The following PTPRD variants were observed in gnomAD, a reference collection of about 807,000 sequenced individuals.
PTPRD encodes the protein protein tyrosine phosphatase receptor type D, also known as receptor-type tyrosine-protein phosphatase delta.
A neutral mutation model predicts 214.5 loss-of-function variants in PTPRD; 34 were observed. The ratio of observed to expected loss-of-function variants is 0.16; its 90% CI spans 0.12 to 0.21. PTPRD has a LOEUF of 0.21. PTPRD is among the 10% of genes least tolerant of loss of function. The pLI, the probability that PTPRD is intolerant of heterozygous loss-of-function variation, is 1.00. For synonymous variants in PTPRD, 1,128 were observed against 845.7 expected, an observed-to-expected ratio of 1.33 and a Z score of -5.79; for missense variants, 2,545 against 2,398.7, an observed-to-expected ratio of 1.06 and a Z score of -1.27.
intron 4 of PTPRD, among the ~76,000 whole-genome samples, chr9:10,008,847 A>C (rs944336556): frequency 2.3e-4 from 35 of 152,014 alleles, no homozygotes; most frequent in African/African-American, 8.0e-4. Flanking sequence ...AAAATAAAGA[A>C]CCACACTTGC....
At chr9:9,671,021 G>C (rs1484253320) in intron 7 of PTPRD, among the ~76,000 whole-genome samples, 1 of 152,114 alleles carries the variant, frequency 6.6e-6, no homozygotes, top group Non-Finnish European at 1.5e-5. Context: ...CCATACTCCA[G>C]ATCCACCAAC....
rs748141668 is a variant in PTPRD, at chr9:8,601,496, T to C, written c.352+31821A>G. On this transcript the variant is annotated intron_variant, in intron 14 of 45. Transcript: ENST00000381196. Reference sequence around the variant, plus strand: ...AGTCCCAGTGGTGATGGCCACAGGGTTTTTTCTATGACCTCACCCTTGGCT... The same window carrying C: ...AGTCCCAGTGGTGATGGCCACAGGGCTTTTTCTATGACCTCACCCTTGGCT... Among the ~76,000 whole-genome samples the C allele has an allele frequency of 1.1e-4, 16 of 151,834 alleles. 1 individual carries two copies. Among genetic ancestry groups the C allele is most frequent in the Non-Finnish European group, 1.8e-4 (12 of 67,946 alleles).
rs1015634798 is a variant in PTPRD at position 9,854,099 on chromosome 9, C to A, written c.-368+84408G>T. On this transcript the variant is annotated intron_variant, in intron 5 of 45. Coordinates refer to ENST00000381196, the MANE Select transcript of PTPRD (RefSeq NM_002839.4). ...CAACAGAACATCACCACTTACTCCT[C>A]CTATCTAATTGTAGTCTTGTAACCA... Among the ~76,000 whole-genome samples the A allele has an allele frequency of 9.2e-5, 14 of 152,264 alleles. 1 individual carries two copies. The South Asian group carries it at 2.5e-3, about 27-fold the overall frequency.
At chr9:9,635,145 C>A (rs1239779185) in intron 7 of PTPRD, among the ~76,000 whole-genome samples, 1 of 152,162 alleles carries the variant, frequency 6.6e-6, no homozygotes, top group African/African-American at 2.4e-5. Context: ...GCCACACAAA[C>A]TGGAATAAGC....
intron 14 of PTPRD, among the ~76,000 whole-genome samples, chr9:8,619,336 T>A (rs1481899378): frequency 6.6e-6 from 1 of 151,720 alleles, no homozygotes; most frequent in Non-Finnish European, 1.5e-5. Flanking sequence ...TTGACCACCA[T>A]CTCCCCAACC....
chr9:10,273,943 C>A lies in PTPRD; in HGVS notation c.-545+67020G>T, dbSNP rs146920693. On this transcript the variant is annotated intron_variant, in intron 3 of 45. Coordinates refer to ENST00000381196, the MANE Select transcript of PTPRD (RefSeq NM_002839.4). ...AAAGTTTTTAGCTAACTCAGTGTAA[C>A]AATAGCTATGTAATGTAGTTTTTAA... Among the ~76,000 whole-genome samples the A allele has an allele frequency of 1.8e-4, 28 of 151,468 alleles. No homozygotes were observed. The East Asian group carries it at 5.5e-3, about 30-fold the overall frequency.
At chr9:9,291,188 G>T (rs1350707392) in intron 9 of PTPRD, among the ~76,000 whole-genome samples, 1 of 151,378 alleles carries the variant, frequency 6.6e-6, no homozygotes, top group Non-Finnish European at 1.5e-5. Context: ...ATAATCACTT[G>T]CCATAACAGG....
intron 7 of PTPRD, among the ~76,000 whole-genome samples, chr9:9,659,941 G>C (rs914734395): frequency 6.6e-6 from 1 of 151,998 alleles, no homozygotes; most frequent in African/African-American, 2.4e-5. Context: ...AATATACAGT[G>C]CTCATGATTA....
intron 44 of PTPRD, among the ~76,000 whole-genome samples, chr9:8,323,535 G>C (rs1350344181): frequency 6.6e-6 from 1 of 152,178 alleles, no homozygotes; most frequent in Non-Finnish European, 1.5e-5. Flanking sequence ...GGAAGAAGTT[G>C]ATTCCAATCT....
intron 11 of PTPRD, among the ~76,000 whole-genome samples, chr9:8,784,651 G>C (rs2095865868): frequency 6.7e-6 from 1 of 149,122 alleles, no homozygotes; most frequent in Non-Finnish European, 1.5e-5. Flanking sequence ...CTTATCTCAT[G>C]TTTTTAAAGC....
At chr9:9,651,287 AC>A (rs1382973882) in intron 7 of PTPRD, among the ~76,000 whole-genome samples, 1 of 152,198 alleles carries the variant, frequency 6.6e-6, no homozygotes. Context: ...CAGATTTGTT[AC>A]ATAGGCAAAC....
chr9:10,081,234 T>C (rs891435295), intron 3 of PTPRD, among the ~76,000 whole-genome samples: 1 of 152,136 alleles, frequency 6.6e-6, no homozygotes, highest in South Asian at 2.1e-4. Flanking sequence ...AATACTACTG[T>C]AATATAGCAG....
intron 12 of PTPRD, among the ~76,000 whole-genome samples, chr9:8,715,636 TA>T (rs1565505642): frequency 6.6e-6 from 1 of 152,158 alleles, no homozygotes; most frequent in South Asian, 2.1e-4. Context: ...CATACGGACC[TA>T]CAAAAATGCA....
chr9:9,397,764 T>A (rs1443809394), intron 8 of PTPRD, among the ~76,000 whole-genome samples: 1 of 152,004 alleles, frequency 6.6e-6, no homozygotes, highest in African/African-American at 2.4e-5. Context: ...CTGATATATA[T>A]GTTTAAAAGG....
At chr9:10,325,132 G>C (rs1468499829) in intron 3 of PTPRD, among the ~76,000 whole-genome samples, 1 of 152,004 alleles carries the variant, frequency 6.6e-6, no homozygotes, top group East Asian at 1.9e-4. Context: ...CTAGAAGAGT[G>C]TTTATCAAAC....
intron 8 of PTPRD, among the ~76,000 whole-genome samples, chr9:9,560,310 A>G (rs2082577494): frequency 6.6e-6 from 1 of 152,164 alleles, no homozygotes; most frequent in Non-Finnish European, 1.5e-5. Flanking sequence ...TTTCTGGTGG[A>G]ATACAGGGCG....
chr9:9,707,592 G>A (rs2097648497), intron 7 of PTPRD, among the ~76,000 whole-genome samples: 1 of 151,958 alleles, frequency 6.6e-6, no homozygotes. Context: ...CTAAAATAAT[G>A]CAATAGCCTA....
chr9:10,438,561 C>T (rs1437080909), intron 2 of PTPRD, among the ~76,000 whole-genome samples: 1 of 151,612 alleles, frequency 6.6e-6, no homozygotes, highest in East Asian at 1.9e-4. Flanking sequence ...TGTCTGGCAA[C>T]TGGTTGATTT....
chr9:8,938,853 T>A (rs903349264), intron 11 of PTPRD, among the ~76,000 whole-genome samples: 2 of 152,168 alleles, frequency 1.3e-5, no homozygotes, highest in African/African-American at 2.4e-5. Flanking sequence ...AGTTAGCATA[T>A]TAATTAAGAC....
Sources: gnomAD v4.1 joint callset for allele counts (sites outside exome capture counted in the v4.1 genomes callset) on GRCh38, gnomAD v4.1.1 for gene constraint, MANE v1.5 for transcripts, NCBI Gene and HGNC (gene_info 2026-07-23, HGNC 2026-07-21) for gene names.